ENTREP2: variants seen among roughly 807,000 people sequenced by gnomAD.
ENTREP2 encodes the protein protein ENTREP2.
chr15:29,271,278 C>T, the ENTREP2 span, among the ~76,000 whole-genome samples: 1 of 152,186 alleles, frequency 6.6e-6, no homozygotes, highest in Non-Finnish European at 1.5e-5. Flanking sequence ...TCATCTGCTT[C>T]AGTTTCCTTG....
At chr15:29,626,030 T>C in the ENTREP2 span, among the ~76,000 whole-genome samples, 7 of 152,088 alleles carry the variant, frequency 4.6e-5, no homozygotes, top group Admixed American at 3.3e-4. Flanking sequence ...TGTATTTTAG[T>C]AGAGACAGGG....
At chr15:29,254,677 T>C in the ENTREP2 span, among the ~76,000 whole-genome samples, 41 of 152,092 alleles carry the variant, frequency 2.7e-4, no homozygotes, top group Middle Eastern at 3.4e-3. Context: ...ACCAACATGG[T>C]GAAAGCCCAT....
the ENTREP2 span, among the ~76,000 whole-genome samples, chr15:29,293,252 T>C: frequency 3.9e-5 from 6 of 151,962 alleles, no homozygotes; most frequent in African/African-American, 1.5e-4. Context: ...GGGGAATTTA[T>C]TGACTCTTTT....
chr15:29,620,136 G>A, the ENTREP2 span, among the ~76,000 whole-genome samples: 4 of 152,138 alleles, frequency 2.6e-5, no homozygotes, highest in Non-Finnish European at 4.4e-5. Flanking sequence ...CAGCTGTGAG[G>A]AAGGACAGAT....
chr15:29,624,315 G>A, the ENTREP2 span, among the ~76,000 whole-genome samples: 3 of 151,424 alleles, frequency 2.0e-5, no homozygotes, highest in Non-Finnish European at 2.9e-5. Context: ...TCCCAATAAC[G>A]CGCACACATG....
the ENTREP2 span, among the ~76,000 whole-genome samples, chr15:29,599,197 G>A: frequency 6.6e-6 from 1 of 152,226 alleles, no homozygotes; most frequent in South Asian, 2.1e-4. Flanking sequence ...ACATGTCAGG[G>A]AAGATAGGTT....
chr15:29,661,208 T>G, the ENTREP2 span, among the ~76,000 whole-genome samples: 2 of 152,210 alleles, frequency 1.3e-5, no homozygotes, highest in Non-Finnish European at 2.9e-5. Context: ...TTGTTTGTTT[T>G]GTTTTCTTTT....
the ENTREP2 span, among the ~76,000 whole-genome samples, chr15:29,628,958 C>A: frequency 6.6e-6 from 1 of 152,104 alleles, no homozygotes; most frequent in Non-Finnish European, 1.5e-5. Flanking sequence ...CCGTGTTGGC[C>A]AGGCTGGTCT....
At chr15:29,550,475 T>C in the ENTREP2 span, among the ~76,000 whole-genome samples, 1 of 152,330 alleles carries the variant, frequency 6.6e-6, no homozygotes, top group Admixed American at 6.5e-5. Flanking sequence ...CATTATTTTA[T>C]CTGAATGTTA....
the ENTREP2 span, among the ~76,000 whole-genome samples, chr15:29,557,286 G>A: frequency 1.3e-5 from 2 of 152,114 alleles, no homozygotes; most frequent in Non-Finnish European, 2.9e-5. Flanking sequence ...TACCACCTTA[G>A]GTGACCCGAA....
At chr15:29,655,956 C>T in the ENTREP2 span, among the ~76,000 whole-genome samples, 13 of 143,424 alleles carry the variant, frequency 9.1e-5, no homozygotes, top group East Asian at 7.0e-4. Context: ...ATCTGGGAAG[C>T]GGAGGTTGCA....
At chr15:29,272,019 CT>C in the ENTREP2 span, among the ~76,000 whole-genome samples, 4 of 151,204 alleles carry the variant, frequency 2.6e-5, no homozygotes, top group Non-Finnish European at 5.9e-5. Flanking sequence ...CAGACTACCC[CT>C]GTCACTGTGA....
chr15:29,236,972 C>A, the ENTREP2 span, among the ~76,000 whole-genome samples: 1 of 152,058 alleles, frequency 6.6e-6, no homozygotes, highest in South Asian at 2.1e-4. Flanking sequence ...AGCAAAAAAT[C>A]CACAATAAAA....
the ENTREP2 span, chr15:29,265,881 G>T: frequency 2.0e-5 from 3 of 152,132 alleles, no homozygotes; most frequent in Admixed American, 6.5e-5. Context: ...AAAATGTGAA[G>T]ATCAAAACTT....
chr15:29,627,918 A>C, the ENTREP2 span, among the ~76,000 whole-genome samples: 1 of 152,204 alleles, frequency 6.6e-6, no homozygotes, highest in South Asian at 2.1e-4. Context: ...GGTTCTTTTC[A>C]CCTATTGTGA....
chr15:29,157,023 G>A, the ENTREP2 span, among the ~76,000 whole-genome samples: 398 of 152,308 alleles, frequency 2.6e-3, 2 homozygotes, highest in Middle Eastern at 0.014. Context: ...GTTGAACCTG[G>A]GAGGTGGAGG....
chr15:29,281,220 A>C, the ENTREP2 span, among the ~76,000 whole-genome samples: 1 of 152,158 alleles, frequency 6.6e-6, no homozygotes, highest in Non-Finnish European at 1.5e-5. Context: ...AATTTATAGA[A>C]ATTCTGCCGA....
At chr15:29,123,839 G>A in the ENTREP2 span, among the ~76,000 whole-genome samples, 1 of 152,144 alleles carries the variant, frequency 6.6e-6, no homozygotes, top group African/African-American at 2.4e-5. Context: ...CTGAACTAGT[G>A]TCAACCTCCA....
At chr15:29,571,049 GCGCGAGC>G in the ENTREP2 span, among the ~76,000 whole-genome samples, 1 of 146,224 alleles carries the variant, frequency 6.8e-6, no homozygotes, top group South Asian at 2.1e-4. Context: ...GCCGTACCGG[GCGCGAGC>G]CGCTGCCGTC....
Sources: gnomAD v4.1 joint callset for allele counts (sites outside exome capture counted in the v4.1 genomes callset) on GRCh38, gnomAD v4.1.1 for gene constraint, MANE v1.5 for transcripts, NCBI Gene and HGNC (gene_info 2026-07-23, HGNC 2026-07-21) for gene names.